BMPR1A: variants seen among roughly 807,000 people sequenced by gnomAD.
The protein encoded by BMPR1A is bone morphogenetic protein receptor type 1A.
BMPR1A carries 7 observed loss-of-function variants against 66.0 expected under a neutral mutation model. The observed-to-expected ratio is 0.11, with a 90% confidence interval of 0.06 to 0.20. BMPR1A has a LOEUF of 0.20. BMPR1A is among the 10% of genes least tolerant of loss of function. BMPR1A has a pLI of 1.00. For missense variants in BMPR1A, 408 were observed against 669.1 expected (o/e 0.61, Z 4.31); for synonymous variants, 200 against 229.7 (o/e 0.87, Z 1.17).
intron 1 of BMPR1A, among the ~76,000 whole-genome samples, chr10:86,781,610 G>A (rs1198426738): frequency 6.6e-6 from 1 of 152,054 alleles, no homozygotes; most frequent in Non-Finnish European, 1.5e-5. Context: ...GCTTTGTGTA[G>A]TATTTCTGGC....
chr10:86,862,871 T>C (rs1349546561), intron 2 of BMPR1A, among the ~76,000 whole-genome samples: 1 of 152,010 alleles, frequency 6.6e-6, no homozygotes, highest in African/African-American at 2.4e-5. Context: ...GGGAAAGACT[T>C]AGGATCTAGC....
rs886831653 is a variant in BMPR1A, at chr10:86,858,760, A to C, written c.-152-17107A>C. ...CTACAAGGAAAACTATAAAACACTG[A>C]TGAAGGAAATTGAAGCGGGCACAAA... On this transcript the variant is annotated intron_variant, in intron 2 of 12. Coordinates refer to ENST00000372037, the MANE Select transcript of BMPR1A (RefSeq NM_004329.3). 2.6e-5 allele frequency among the ~76,000 whole-genome samples: 4 copies of C among 152,198 alleles called. No homozygotes were observed. The South Asian group carries it at 8.3e-4, about 31-fold the overall frequency.
In BMPR1A at chr10:86,893,259, C is replaced by T. The variant is rs148834703; in HGVS notation, c.333+1030C>T. Among the ~76,000 whole-genome samples the T allele has an allele frequency of 3.5e-3, 527 of 152,014 alleles. 2 individuals are homozygous for T. The highest frequency in any genetic ancestry group is 4.9e-3 in the Non-Finnish European group (331 of 67,984). ...AAAGTTGAAAAAAAAATGTTAAGGC[C>T]TTGTAAGGAGGTGTCAGTGGAGCTC... On this transcript the variant is annotated intron_variant, in intron 5 of 12. Coordinates refer to ENST00000372037, the MANE Select transcript of BMPR1A (RefSeq NM_004329.3).
Position 86,912,395 on chromosome 10 carries a change from C to A in BMPR1A, c.675+11C>A. On this transcript the variant is annotated intron_variant, in intron 8 of 12. Transcript: ENST00000372037. The stretch of plus-strand genomic sequence containing the variant: ...GGACTACCTTTATTGGTAAGTTAAA[C>A]GTTCCTATAGACATGAATGGTGTGT... 6.2e-7 allele frequency: 1 copy of A among 1,613,788 alleles called. No homozygotes were observed. Among genetic ancestry groups the A allele is most frequent in the Non-Finnish European group, 8.5e-7 (1 of 1,179,824 alleles).
intron 1 of BMPR1A, among the ~76,000 whole-genome samples, chr10:86,793,458 G>T (rs1841661027): frequency 6.6e-6 from 1 of 151,658 alleles, no homozygotes; most frequent in African/African-American, 2.4e-5. Flanking sequence ...CTGCCTCCCG[G>T]ATTCAAGCGA....
intron 2 of BMPR1A, among the ~76,000 whole-genome samples, chr10:86,866,585 T>C (rs760137933): frequency 2.0e-5 from 3 of 151,756 alleles, no homozygotes; most frequent in Non-Finnish European, 4.4e-5. Context: ...ATTTTTTGTA[T>C]TTTTAGTAGA....
intron 5 of BMPR1A, among the ~76,000 whole-genome samples, chr10:86,892,882 T>A (rs1273193474): frequency 6.7e-5 from 10 of 148,794 alleles, no homozygotes; most frequent in Non-Finnish European, 1.0e-4. Flanking sequence ...AAAAAAAAAA[T>A]TCTTTTTTCT....
At chr10:86,778,780 CTGTG>C (rs1174593178) in intron 1 of BMPR1A, among the ~76,000 whole-genome samples, 2 of 151,950 alleles carry the variant, frequency 1.3e-5, no homozygotes, top group Non-Finnish European at 2.9e-5. Context: ...ATCCTCTGTT[CTGTG>C]TTTTACTTAT....
rs554303918 is a variant in BMPR1A at position 86,805,093 on chromosome 10, TG to T, written c.-267-33770del. ...CTAGATGTCTCCCTTTTTATAAGGA[TG>T]GTATAGTCATATAGGATTAGGCCCT... On this transcript the variant is annotated intron_variant, in intron 1 of 12. Coordinates refer to ENST00000372037, the MANE Select transcript of BMPR1A (RefSeq NM_004329.3). 9.9e-5 allele frequency among the ~76,000 whole-genome samples: 15 copies of T among 152,226 alleles called. No homozygotes were observed. The South Asian group carries it at 3.1e-3, about 32-fold the overall frequency.
intron 2 of BMPR1A, among the ~76,000 whole-genome samples, chr10:86,857,318 A>T (rs76695377): frequency 0.011 from 1,716 of 152,302 alleles, 31 homozygotes; most frequent in African/African-American, 0.039. Context: ...TGAGTAACAA[A>T]GGCATTCCTA....
At chr10:86,898,282 A>G (rs539661256) in intron 5 of BMPR1A, among the ~76,000 whole-genome samples, 1 of 152,012 alleles carries the variant, frequency 6.6e-6, no homozygotes, top group South Asian at 2.1e-4. Flanking sequence ...ACATATATAC[A>G]TGTTTATATG....
chr10:86,792,029 T>G (rs1411812228), intron 1 of BMPR1A, among the ~76,000 whole-genome samples: 1 of 150,064 alleles, frequency 6.7e-6, no homozygotes, highest in Non-Finnish European at 1.5e-5. Flanking sequence ...TCCAGTAGAA[T>G]TTTTACCTTT....
chr10:86,886,165 ATGT>A (rs1362301996), intron 3 of BMPR1A, among the ~76,000 whole-genome samples: 6 of 152,318 alleles, frequency 3.9e-5, no homozygotes, highest in African/African-American at 1.4e-4. Flanking sequence ...AGAGATTGAC[ATGT>A]TCAGAACTGA....
intron 1 of BMPR1A, among the ~76,000 whole-genome samples, chr10:86,794,240 T>C (rs566315916): frequency 6.6e-6 from 1 of 152,184 alleles, no homozygotes; most frequent in East Asian, 1.9e-4. Context: ...GTTAATTTTA[T>C]CTATTTTTTT....
intron 2 of BMPR1A, among the ~76,000 whole-genome samples, chr10:86,868,162 C>A (rs1160392521): frequency 1.3e-5 from 2 of 152,130 alleles, no homozygotes; most frequent in African/African-American, 2.4e-5. Context: ...TTCTAAAACA[C>A]CCTGTTATGA....
At chr10:86,820,909 A>T (rs1842112575) in intron 1 of BMPR1A, among the ~76,000 whole-genome samples, 1 of 152,206 alleles carries the variant, frequency 6.6e-6, no homozygotes, top group Non-Finnish European at 1.5e-5. Flanking sequence ...AAGGTCATTT[A>T]AAAAAATCAT....
At chr10:86,769,411 G>A (rs948434635) in intron 1 of BMPR1A, among the ~76,000 whole-genome samples, 25 of 152,172 alleles carry the variant, frequency 1.6e-4, no homozygotes, top group Admixed American at 1.1e-3. Flanking sequence ...GGACAACATA[G>A]CGAGACCCTG....
At chr10:86,881,266 G>A (rs1423369869) in intron 3 of BMPR1A, among the ~76,000 whole-genome samples, 1 of 152,062 alleles carries the variant, frequency 6.6e-6, no homozygotes, top group Non-Finnish European at 1.5e-5. Flanking sequence ...AAACTAGTTG[G>A]TTACTGTTAA....
intron 5 of BMPR1A, among the ~76,000 whole-genome samples, chr10:86,897,624 A>G (rs568745899): frequency 6.6e-6 from 1 of 152,052 alleles, no homozygotes; most frequent in Non-Finnish European, 1.5e-5. Context: ...AGATTTTTTT[A>G]AAGACAGGGT....
Sources: allele counts gnomAD v4.1 joint callset (sites outside exome capture counted in the v4.1 genomes callset), GRCh38; gene constraint gnomAD v4.1.1; transcripts MANE v1.5; gene names NCBI Gene and HGNC (gene_info 2026-07-23, HGNC 2026-07-21).